FAM107B: variants seen among roughly 807,000 people sequenced by gnomAD.
The protein encoded by FAM107B is protein FAM107B.
In FAM107B, 21 loss-of-function variants were observed where a neutral mutation model predicts 31.5. That is an observed-to-expected ratio of 0.67 (90% confidence interval 0.47 to 0.96). FAM107B has a LOEUF of 0.96. Among genes scored for constraint, FAM107B ranks in the 40% least tolerant of loss-of-function variants. The probability of loss-of-function intolerance (pLI) is 0.00; values close to 1 mark genes in which losing one functional copy is unlikely to be tolerated. For synonymous variants in FAM107B, 157 were observed against 141.5 expected (o/e 1.11, Z -0.78); for missense variants, 452 against 377.1 (o/e 1.20, Z -1.64).
intron 1 of FAM107B, among the ~76,000 whole-genome samples, chr10:14,759,076 G>A (rs1487563545): frequency 6.6e-6 from 1 of 151,538 alleles, no homozygotes; most frequent in East Asian, 1.9e-4. Flanking sequence ...TACTCAAGAG[G>A]CTGAGGCAGG....
At chr10:14,632,891 C>T (rs965577055) in intron 2 of FAM107B, among the ~76,000 whole-genome samples, 3 of 151,868 alleles carry the variant, frequency 2.0e-5, no homozygotes, top group African/African-American at 7.3e-5. Context: ...CAGGAATGAG[C>T]AATGATTTAA....
chr10:14,684,070 C>T (rs1473309577), intron 1 of FAM107B, among the ~76,000 whole-genome samples: 13 of 152,170 alleles, frequency 8.5e-5, no homozygotes, highest in African/African-American at 1.7e-4. Flanking sequence ...ACTTGGTGTC[C>T]GATGAGGGCA....
intron 2 of FAM107B, chr10:14,572,505 TG>T: frequency 1.0e-5 from 6 of 595,292 alleles, no homozygotes; most frequent in South Asian, 7.4e-5. Flanking sequence ...CTGGGATTCA[TG>T]GCATCACAGC....
chr10:14,694,663 C>T (rs1304729468), intron 1 of FAM107B, among the ~76,000 whole-genome samples: 7 of 152,146 alleles, frequency 4.6e-5, no homozygotes, highest in Admixed American at 6.5e-5. Flanking sequence ...GGATTACAGG[C>T]GCGGGACACC....
At chr10:14,767,484 T>C (rs1003898325) in intron 1 of FAM107B, among the ~76,000 whole-genome samples, 12 of 152,054 alleles carry the variant, frequency 7.9e-5, no homozygotes, top group African/African-American at 2.9e-4. Context: ...CTAAGTGGGA[T>C]TTGTTCCTGG....
intron 1 of FAM107B, among the ~76,000 whole-genome samples, chr10:14,747,117 C>T (rs961674956): frequency 6.6e-6 from 1 of 152,130 alleles, no homozygotes; most frequent in Non-Finnish European, 1.5e-5. Context: ...TTATGATGGT[C>T]TTGTGTTGCG....
intron 1 of FAM107B, among the ~76,000 whole-genome samples, chr10:14,732,125 A>G (rs575395900): frequency 6.6e-6 from 1 of 152,302 alleles, no homozygotes; most frequent in African/African-American, 2.4e-5. Context: ...GGTGAAGTAG[A>G]TAATGACCTA....
chr10:14,763,705 G>A (rs1304813972), intron 1 of FAM107B, among the ~76,000 whole-genome samples: 1 of 152,132 alleles, frequency 6.6e-6, no homozygotes, highest in Non-Finnish European at 1.5e-5. Flanking sequence ...ACCTCCCCAA[G>A]TACCAGGATC....
At chr10:14,546,568 G>A (rs190896705) in intron 2 of FAM107B, among the ~76,000 whole-genome samples, 19 of 152,270 alleles carry the variant, frequency 1.2e-4, no homozygotes, top group African/African-American at 4.1e-4. Flanking sequence ...CAAGCTAGGC[G>A]AAAACTACCC....
chr10:14,582,690 T>C (rs1397949318), intron 2 of FAM107B, among the ~76,000 whole-genome samples: 1 of 152,168 alleles, frequency 6.6e-6, no homozygotes, highest in African/African-American at 2.4e-5. Flanking sequence ...CCACATGTTT[T>C]AACGTTGTAC....
chr10:14,670,411 A>G (rs1854511836), intron 1 of FAM107B, among the ~76,000 whole-genome samples: 1 of 152,250 alleles, frequency 6.6e-6, no homozygotes, highest in African/African-American at 2.4e-5. Context: ...AGAATGTGTA[A>G]ATAACAGAAA....
intron 3 of FAM107B, among the ~76,000 whole-genome samples, chr10:14,524,899 A>G (rs1165679361): frequency 6.6e-6 from 1 of 152,236 alleles, no homozygotes; most frequent in East Asian, 1.9e-4. Context: ...CAACCTATGA[A>G]TGGGTTTAAC....
At chr10:14,714,771 C>T (rs1855744585) in intron 1 of FAM107B, among the ~76,000 whole-genome samples, 1 of 152,188 alleles carries the variant, frequency 6.6e-6, no homozygotes, top group Non-Finnish European at 1.5e-5. Flanking sequence ...TTATTTTCTT[C>T]TCAAAATAGC....
At chr10:14,535,622 G>T (rs1847526810) in intron 2 of FAM107B, among the ~76,000 whole-genome samples, 1 of 152,200 alleles carries the variant, frequency 6.6e-6, no homozygotes, top group African/African-American at 2.4e-5. Flanking sequence ...CTGCCAAGGT[G>T]CTGCATGAAG....
At chr10:14,585,758 T>C (rs1372275609) in intron 2 of FAM107B, among the ~76,000 whole-genome samples, 4 of 152,204 alleles carry the variant, frequency 2.6e-5, no homozygotes, top group Non-Finnish European at 5.9e-5. Context: ...GAACCTTGTG[T>C]GGTCAAATCT....
chr10:14,575,450 G>A (rs891469865), intron 2 of FAM107B, among the ~76,000 whole-genome samples: 6 of 152,226 alleles, frequency 3.9e-5, no homozygotes, highest in East Asian at 3.9e-4. Flanking sequence ...AGATCTGCCC[G>A]CCTCAACCTC....
chr10:14,611,010 T>A (rs1443668642), intron 2 of FAM107B, among the ~76,000 whole-genome samples: 2 of 152,242 alleles, frequency 1.3e-5, no homozygotes, highest in East Asian at 3.8e-4. Context: ...GGTTCTAACT[T>A]GTAACTGCAC....
intron 1 of FAM107B, among the ~76,000 whole-genome samples, chr10:14,701,717 T>G (rs1410512600): frequency 3.3e-5 from 5 of 151,920 alleles, no homozygotes; most frequent in Admixed American, 6.6e-5. Flanking sequence ...AAGAGTTGTT[T>G]TTTTTTTTTC....
chr10:14,545,551 C>A (rs77709436), intron 2 of FAM107B, among the ~76,000 whole-genome samples: 3,372 of 152,310 alleles, frequency 0.022, 65 homozygotes, highest in East Asian at 0.089. Flanking sequence ...GCAGCAGATA[C>A]TGACTAAACA....
Sources: allele counts gnomAD v4.1 joint callset (sites outside exome capture counted in the v4.1 genomes callset), GRCh38; gene constraint gnomAD v4.1.1; transcripts MANE v1.5; gene names NCBI Gene and HGNC (gene_info 2026-07-23, HGNC 2026-07-21).